The following IL1RAP variants were observed in gnomAD, a reference collection of about 807,000 sequenced individuals.
IL1RAP encodes interleukin 1 receptor accessory protein.
IL1RAP carries 35 observed loss-of-function variants against 60.7 expected under a neutral mutation model. The ratio of observed to expected loss-of-function variants is 0.58; its 90% confidence interval spans 0.44 to 0.76. The LOEUF is 0.76. Ranked by LOEUF, IL1RAP falls within the 30% of genes least tolerant of loss-of-function variation. IL1RAP has a pLI of 0.00. For synonymous variants in IL1RAP, 268 were observed against 250.9 expected (o/e 1.07, Z -0.64); for missense variants, 572 against 693.9 (o/e 0.82, Z 1.97).
intron 1 of IL1RAP, among the ~76,000 whole-genome samples, chr3:190,546,692 T>A (rs183671070): frequency 1.3e-5 from 2 of 152,214 alleles, no homozygotes; most frequent in Admixed American, 6.5e-5. Context: ...CAATATTTCA[T>A]GGGTACCATG....
At chr3:190,585,089 A>G (rs1728335695) in intron 3 of IL1RAP, among the ~76,000 whole-genome samples, 1 of 152,208 alleles carries the variant, frequency 6.6e-6, no homozygotes, top group Non-Finnish European at 1.5e-5. Context: ...CTGGTTACTA[A>G]AATACTTTGA....
chr3:190,520,675 C>T (rs1721942614), intron 1 of IL1RAP: 2 of 152,158 alleles, frequency 1.3e-5, no homozygotes, highest in Non-Finnish European at 2.9e-5. Context: ...ATTTACATCA[C>T]TTCAACTATT....
chr3:190,608,614 C>T (rs538480293), intron 4 of IL1RAP, among the ~76,000 whole-genome samples: 54 of 152,122 alleles, frequency 3.5e-4, no homozygotes, highest in African/African-American at 1.2e-3. Context: ...ATTACAATGA[C>T]GATTACATCA....
rs539264184 is a variant in IL1RAP, at chr3:190,548,829, AT to A, written c.-88-7298del. ...ACTTATTTCCTTTCAGTGATAGACA[AT>A]TTGGTCTCAAGTGGAGTTTTAAAAA... On this transcript the variant is annotated intron_variant, in intron 1 of 11. Coordinates refer to ENST00000447382, the MANE Select transcript of IL1RAP (RefSeq NM_002182.4). Among the ~76,000 whole-genome samples, 50 of 152,314 alleles carry A rather than the reference AT, an allele frequency of 3.3e-4. 1 individual carries two copies. The East Asian group carries it at 9.1e-3, about 28-fold the overall frequency.
chr3:190,537,438 A>G (rs1723561825), intron 1 of IL1RAP, among the ~76,000 whole-genome samples: 1 of 152,164 alleles, frequency 6.6e-6, no homozygotes, highest in Admixed American at 6.5e-5. Context: ...ATTATGAAAC[A>G]TTTTGGGAAA....
intron 1 of IL1RAP, among the ~76,000 whole-genome samples, chr3:190,535,782 T>C (rs1280491664): frequency 5.9e-5 from 9 of 152,206 alleles, no homozygotes; most frequent in African/African-American, 2.2e-4. Context: ...CCCACTGACG[T>C]TGGATCAATC....
intron 4 of IL1RAP, among the ~76,000 whole-genome samples, chr3:190,604,642 T>G (rs1041155324): frequency 6.6e-6 from 1 of 152,108 alleles, no homozygotes; most frequent in African/African-American, 2.4e-5. Context: ...CCCTGAGACA[T>G]ATCAAAGTTG....
rs774486620 is a variant in IL1RAP, at chr3:190,648,822, T to A, written c.*117T>A. 7 of 1,451,922 alleles carry A rather than the reference T, an allele frequency of 4.8e-6. No homozygotes were observed. Among genetic ancestry groups the A allele is most frequent in the Non-Finnish European group, 6.3e-6 (7 of 1,102,806 alleles). 89.9% of individuals were successfully genotyped at this position (1,451,922 alleles called of 1,614,324 possible). On this transcript the variant is annotated 3_prime_UTR_variant, in exon 12 of 12. Coordinates refer to ENST00000447382, the MANE Select transcript of IL1RAP (RefSeq NM_002182.4). ...AAAAATAATGGTCTAAGCCTCCCAA[T>A]AGGGATAAATTTAGGGTGACTGTGT...
chr3:190,631,012 G>A (rs1402594158), intron 9 of IL1RAP, among the ~76,000 whole-genome samples: 1 of 152,086 alleles, frequency 6.6e-6, no homozygotes, highest in East Asian at 1.9e-4. Flanking sequence ...TTTGACAAAG[G>A]CTTTTATCAT....
At chr3:190,641,732 C>G (rs183784861) in intron 9 of IL1RAP, among the ~76,000 whole-genome samples, 13 of 152,222 alleles carry the variant, frequency 8.5e-5, no homozygotes, top group African/African-American at 2.9e-4. Flanking sequence ...ACCTCCACCC[C>G]CATTACAAAA....
intron 9 of IL1RAP, among the ~76,000 whole-genome samples, chr3:190,640,466 T>C (rs1233505620): frequency 6.6e-6 from 1 of 152,222 alleles, no homozygotes; most frequent in Non-Finnish European, 1.5e-5. Flanking sequence ...CTCTGATTTA[T>C]CATAATTTTA....
intron 3 of IL1RAP, among the ~76,000 whole-genome samples, chr3:190,565,475 G>C (rs1726304248): frequency 6.6e-6 from 1 of 152,062 alleles, no homozygotes; most frequent in African/African-American, 2.4e-5. Flanking sequence ...ATCTTTTCTG[G>C]GTGCGTTTCA....
intron 3 of IL1RAP, among the ~76,000 whole-genome samples, chr3:190,572,661 A>G (rs546647352): frequency 1.3e-5 from 2 of 152,180 alleles, no homozygotes; most frequent in African/African-American, 2.4e-5. Flanking sequence ...TGAGCTTTGC[A>G]TTGAATGGTT....
intron 3 of IL1RAP, among the ~76,000 whole-genome samples, chr3:190,568,865 T>C (rs893637750): frequency 2.1e-4 from 32 of 152,234 alleles, no homozygotes; most frequent in African/African-American, 7.7e-4. Flanking sequence ...CGTTTGACCA[T>C]TTTAGATTGT....
intron 11 of IL1RAP, 97 bp from the exon 12 acceptor site, chr3:190,648,241 G>A (rs1192985214): frequency 2.0e-6 from 3 of 1,474,748 alleles, no homozygotes; most frequent in African/African-American, 2.8e-5. Flanking sequence ...CAATTCTTAG[G>A]CTGGTACCCT....
At chr3:190,549,278 G>A (rs904445911) in intron 1 of IL1RAP, among the ~76,000 whole-genome samples, 1 of 152,122 alleles carries the variant, frequency 6.6e-6, no homozygotes, top group African/African-American at 2.4e-5. Flanking sequence ...GCTGGTCAGA[G>A]GTTCTCTAGG....
At chr3:190,646,315 A>T (rs1187942610) in intron 11 of IL1RAP, among the ~76,000 whole-genome samples, 2 of 152,090 alleles carry the variant, frequency 1.3e-5, no homozygotes, top group African/African-American at 4.8e-5. Flanking sequence ...TCCTTATGTG[A>T]TTCACTGATA....
At chr3:190,556,713 G>T (rs965919756) in intron 2 of IL1RAP, among the ~76,000 whole-genome samples, 1 of 152,138 alleles carries the variant, frequency 6.6e-6, no homozygotes, top group African/African-American at 2.4e-5. Flanking sequence ...GGCAAGTTTT[G>T]CCAAATACTC....
chr3:190,576,113 G>A (rs978484735), intron 3 of IL1RAP, among the ~76,000 whole-genome samples: 1 of 152,044 alleles, frequency 6.6e-6, no homozygotes, highest in Non-Finnish European at 1.5e-5. Flanking sequence ...AAAACAAATC[G>A]CAGTTGAATT....
Sources: allele counts gnomAD v4.1 joint callset (sites outside exome capture counted in the v4.1 genomes callset), GRCh38; gene constraint gnomAD v4.1.1; transcripts MANE v1.5; gene names NCBI Gene and HGNC (gene_info 2026-07-23, HGNC 2026-07-21).